Variants in CDK15 observed in about 807,000 individuals in gnomAD.
CDK15 encodes the protein cyclin dependent kinase 15.
In CDK15, 62 loss-of-function variants were observed where a neutral mutation model predicts 60.3. The ratio of observed to expected loss-of-function variants is 1.03; its 90% confidence interval spans 0.84 to 1.27. The LOEUF is 1.27. Among genes scored for constraint, CDK15 ranks in the 50% most tolerant of loss-of-function variants. CDK15 has a pLI of 0.00. For missense variants in CDK15, 541 were observed against 527.8 expected, an observed-to-expected ratio of 1.03 and a Z score of -0.25; for synonymous variants, 194 against 195.7, an observed-to-expected ratio of 0.99 and a Z score of 0.07.
intron 9 of CDK15, among the ~76,000 whole-genome samples, chr2:201,849,505 A>G (rs535287515): frequency 2.6e-5 from 4 of 152,160 alleles, no homozygotes; most frequent in South Asian, 4.1e-4. Flanking sequence ...GAGTAACTCT[A>G]CAAGACTCTA....
intron 10 of CDK15, among the ~76,000 whole-genome samples, chr2:201,866,701 C>A (rs926090488): frequency 6.6e-6 from 1 of 152,138 alleles, no homozygotes; most frequent in African/African-American, 2.4e-5. Flanking sequence ...AAACCAGACT[C>A]CTCTTGAAAT....
In CDK15 at chr2:201,894,331, G is replaced by A. The variant is rs543862736; in HGVS notation, c.*1064G>A. The A allele has an allele frequency of 3.3e-5, 5 of 152,238 alleles. 1 individual carries two copies. The highest frequency in any genetic ancestry group is 3.3e-4 in the Admixed American group (5 of 15,294). The allele number at this position is 152,238 out of a possible 1,614,324, so 9.4% of individuals were successfully genotyped here. ...TAAAAAATAGTAACTATCCCCCAAT[G>A]TCTGAGATGGAAAAAGGAAAAAGAC... On this transcript the variant is annotated 3_prime_UTR_variant, in exon 14 of 14. Coordinates refer to ENST00000652192, the MANE Select transcript of CDK15 (RefSeq NM_001366386.2).
chr2:201,873,436 T>C (rs1318688592), intron 11 of CDK15, among the ~76,000 whole-genome samples: 1 of 152,190 alleles, frequency 6.6e-6, no homozygotes, highest in African/African-American at 2.4e-5. Flanking sequence ...ATGTGGATTT[T>C]AGCATGGCCC....
In CDK15 at chr2:201,872,319, T is replaced by G; in HGVS notation, c.1051T>G (p.Trp351Gly). Residue 351 changes from tryptophan to glycine, a missense_variant, in exon 11 of 14, where the codon TGG (tryptophan) becomes GGG (glycine). Transcript: ENST00000652192. ...TACGCCTCGAAGCCTTCATGTTGTC[T>G]GGAACAGGTGAGTACTACCTCAGGA... ...LPTPRSLHVV[W>G]NRLGRVPEAE... is the part of the protein sequence containing the mutation. 6.2e-7 allele frequency: 1 copy of G among 1,614,058 alleles called. No individual in the cohort carries two copies. Among genetic ancestry groups the G allele is most frequent in the Non-Finnish European group, 8.5e-7 (1 of 1,179,956 alleles).
intron 9 of CDK15, among the ~76,000 whole-genome samples, chr2:201,853,986 C>T (rs6728071): frequency 0.12 from 18,901 of 151,800 alleles, 2,166 homozygotes; most frequent in African/African-American, 0.3. Flanking sequence ...ACGGTGAAAC[C>T]CCGTCTCTAC....
chr2:201,861,525 T>A (rs895287970), intron 10 of CDK15: 1 of 984,252 alleles, frequency 1.0e-6, no homozygotes, highest in African/African-American at 1.8e-5. Context: ...CAATAAAAGT[T>A]CCCATTCAGT....
At chr2:201,826,765 A>G (rs1263563603) in intron 6 of CDK15, among the ~76,000 whole-genome samples, 5 of 152,240 alleles carry the variant, frequency 3.3e-5, no homozygotes, top group African/African-American at 1.2e-4. Context: ...CATGCATTAC[A>G]TTTTGAAAGA....
Position 201,810,989 on chromosome 2 carries a change from C to T in CDK15, c.369-1494C>T, listed in dbSNP as rs529797203. ...TCCTGAGTAGCTGGGATCACAGGCG[C>T]GTGCCACCATACCCGGCTAATTTTT... On this transcript the variant is annotated intron_variant, in intron 3 of 13. Coordinates refer to ENST00000652192, the MANE Select transcript of CDK15 (RefSeq NM_001366386.2). 4.0e-5 allele frequency among the ~76,000 whole-genome samples: 6 copies of T among 151,532 alleles called. No homozygotes were observed. The East Asian group carries it at 7.8e-4, about 20-fold the overall frequency.
At chr2:201,889,073 C>G in intron 12 of CDK15, 1 of 985,290 alleles carries the variant, frequency 1.0e-6, no homozygotes, top group African/African-American at 1.7e-5. Flanking sequence ...TACAAGACAA[C>G]GAGACCCCAG....
intron 10 of CDK15, among the ~76,000 whole-genome samples, chr2:201,859,256 T>G (rs1191416631): frequency 1.3e-5 from 2 of 152,174 alleles, no homozygotes; most frequent in Non-Finnish European, 2.9e-5. Flanking sequence ...GCGCTGAAGA[T>G]CCCAGAAACT....
chr2:201,860,995 C>G, intron 10 of CDK15: 1 of 1,189,016 alleles, frequency 8.4e-7, no homozygotes, highest in Non-Finnish European at 1.1e-6. Flanking sequence ...AAGCTAAGGT[C>G]TGCATCTGGG....
At chr2:201,823,627 A>C in intron 5 of CDK15, 38 bp from the exon 6 acceptor site, 3 of 1,567,286 alleles carry the variant, frequency 1.9e-6, no homozygotes, top group Non-Finnish European at 2.6e-6. Context: ...AAGCACCACT[A>C]AATTCACTCA....
At chr2:201,869,961 A>T (rs952717857) in intron 10 of CDK15, among the ~76,000 whole-genome samples, 14 of 152,222 alleles carry the variant, frequency 9.2e-5, no homozygotes, top group South Asian at 4.1e-4. Context: ...ACTTAGGCAA[A>T]ATCATACTGA....
chr2:201,847,608 A>G, intron 9 of CDK15, 134 bp downstream of exon 9: 1 of 737,756 alleles, frequency 1.4e-6, no homozygotes, highest in South Asian at 1.9e-5. Context: ...TAGAAACTGT[A>G]GCATTTGCCA....
At chr2:201,864,608 C>T (rs1392051070) in intron 10 of CDK15, among the ~76,000 whole-genome samples, 6 of 152,106 alleles carry the variant, frequency 3.9e-5, no homozygotes, top group African/African-American at 7.2e-5. Flanking sequence ...CATAAGCCAC[C>T]GTGCCTGCCC....
At chr2:201,820,939 CG>C (rs1456465093) in intron 4 of CDK15, among the ~76,000 whole-genome samples, 5 of 152,114 alleles carry the variant, frequency 3.3e-5, no homozygotes, top group African/African-American at 9.7e-5. Context: ...GCTCCTTCGG[CG>C]TAAGTCAGCT....
At chr2:201,891,422 C>A (rs1001039533) in intron 13 of CDK15, among the ~76,000 whole-genome samples, 48 of 152,182 alleles carry the variant, frequency 3.2e-4, no homozygotes, top group African/African-American at 1.2e-3. Context: ...ACTGACAGGG[C>A]AAAATTTTGT....
chr2:201,865,573 G>A (rs73993115), intron 10 of CDK15, among the ~76,000 whole-genome samples: 13,183 of 152,162 alleles, frequency 0.087, 879 homozygotes, highest in East Asian at 0.21. Flanking sequence ...AGAGCATCCT[G>A]ATGATGCTCA....
intron 8 of CDK15, among the ~76,000 whole-genome samples, chr2:201,846,125 A>G (rs1171446374): frequency 6.6e-6 from 1 of 152,134 alleles, no homozygotes; most frequent in Non-Finnish European, 1.5e-5. Flanking sequence ...ATCTAACAAT[A>G]TAAGTCAGCC....
Sources: gnomAD v4.1 joint callset for allele counts (sites outside exome capture counted in the v4.1 genomes callset) on GRCh38, gnomAD v4.1.1 for gene constraint, MANE v1.5 for transcripts, NCBI Gene and HGNC (gene_info 2026-07-23, HGNC 2026-07-21) for gene names.